Variants in KCNH1 observed in about 807,000 individuals in gnomAD.
The protein encoded by KCNH1 is potassium voltage-gated channel subfamily H member 1, also known as voltage-gated delayed rectifier potassium channel KCNH1.
A neutral mutation model predicts 69.2 loss-of-function variants in KCNH1; 27 were observed. The ratio of observed to expected loss-of-function variants is 0.39; its 90% CI spans 0.29 to 0.54. KCNH1 has a LOEUF of 0.54. KCNH1 is among the 20% of genes least tolerant of loss of function. The pLI, the probability that KCNH1 is intolerant of heterozygous loss-of-function variation, is 0.68. For synonymous variants in KCNH1, 456 were observed against 487.7 expected (o/e 0.93, Z 0.86); for missense variants, 798 against 1,261.6 (o/e 0.63, Z 5.57).
intron 6 of KCNH1, among the ~76,000 whole-genome samples, chr1:210,965,052 T>C (rs1688372249): frequency 6.6e-6 from 1 of 152,196 alleles, no homozygotes. Flanking sequence ...TCAACACTAC[T>C]TCATGCTAAA....
intron 6 of KCNH1, among the ~76,000 whole-genome samples, chr1:210,952,198 A>T (rs1256980708): frequency 6.6e-6 from 1 of 152,184 alleles, no homozygotes; most frequent in Non-Finnish European, 1.5e-5. Flanking sequence ...CTAATTCTAA[A>T]ATATCAAACA....
At chr1:210,988,609 A>G (rs79851204) in intron 6 of KCNH1, among the ~76,000 whole-genome samples, 161 of 152,318 alleles carry the variant, frequency 1.1e-3, no homozygotes, top group African/African-American at 3.7e-3. Flanking sequence ...AACATATTTG[A>G]AAGTATTGCC....
chr1:210,948,592 G>A (rs183085817), intron 6 of KCNH1, among the ~76,000 whole-genome samples: 150 of 152,206 alleles, frequency 9.9e-4, no homozygotes, highest in African/African-American at 3.3e-3. Flanking sequence ...CACTTTGGGA[G>A]GCTGAGGCGG....
intron 7 of KCNH1, among the ~76,000 whole-genome samples, chr1:210,893,159 C>T (rs1686784514): frequency 6.6e-6 from 1 of 152,110 alleles, no homozygotes; most frequent in African/African-American, 2.4e-5. Context: ...TTTGGTTTGT[C>T]TGAAAGACAT....
intron 7 of KCNH1, among the ~76,000 whole-genome samples, chr1:210,812,251 T>C (rs1684718818): frequency 1.3e-5 from 2 of 152,180 alleles, no homozygotes; most frequent in East Asian, 1.9e-4. Context: ...AAAAGTGACT[T>C]ACCTATTAAG....
intron 6 of KCNH1, among the ~76,000 whole-genome samples, chr1:210,954,556 T>A (rs944704845): frequency 2.6e-5 from 4 of 152,220 alleles, no homozygotes; most frequent in African/African-American, 9.6e-5. Flanking sequence ...CCACATCCTC[T>A]CCAGCATCTG....
rs1362394938 is a variant in KCNH1 at position 210,680,173 on chromosome 1, A to T, written c.*3108T>A. On this transcript the variant is annotated 3_prime_UTR_variant, in exon 11 of 11. Coordinates refer to ENST00000271751, the MANE Select transcript of KCNH1 (RefSeq NM_172362.3). ...CATCTTAGTTCTTAGAGTTAACCTT[A>T]AACCCACCCCTCCATCAGCCGGGAG... is the stretch of plus-strand genomic sequence containing the variant. The T allele has an allele frequency of 1.3e-5, 2 of 152,082 alleles. No homozygotes were observed. The highest frequency in any genetic ancestry group is 4.8e-5 in the African/African-American group (2 of 41,370). The allele number at this position is 152,082 out of a possible 1,614,324, so 9.4% of individuals were successfully genotyped here. A position where few individuals can be genotyped will look rare whatever the true frequency, so the allele number is the denominator to read the frequency against.
intron 1 of KCNH1, among the ~76,000 whole-genome samples, chr1:211,110,906 T>C (rs955254310): frequency 3.9e-5 from 6 of 152,128 alleles, no homozygotes; most frequent in African/African-American, 1.4e-4. Context: ...TTTAGAGACA[T>C]GGCAGAAACT....
At chr1:210,897,746 G>A (rs1244723152) in intron 7 of KCNH1, among the ~76,000 whole-genome samples, 1 of 152,222 alleles carries the variant, frequency 6.6e-6, no homozygotes, top group East Asian at 1.9e-4. Flanking sequence ...CACTAGAAGA[G>A]TGAAAAGCAA....
At chr1:210,698,999 T>C (rs914919840) in intron 10 of KCNH1, among the ~76,000 whole-genome samples, 2 of 152,214 alleles carry the variant, frequency 1.3e-5, no homozygotes, top group Non-Finnish European at 2.9e-5. Context: ...TCTCCCAGCC[T>C]ACTGTGCAAC....
intron 10 of KCNH1, among the ~76,000 whole-genome samples, chr1:210,757,797 C>G (rs1683431208): frequency 6.6e-6 from 1 of 152,230 alleles, no homozygotes; most frequent in Admixed American, 6.5e-5. Context: ...TCCTCTGTCT[C>G]TGAACAAACA....
At chr1:210,707,110 C>T (rs759120769) in intron 10 of KCNH1, among the ~76,000 whole-genome samples, 3 of 152,152 alleles carry the variant, frequency 2.0e-5, no homozygotes, top group Non-Finnish European at 2.9e-5. Flanking sequence ...TAAGAATGCA[C>T]TGAGGTCAGG....
At chr1:211,080,565 C>T (rs1029508195) in intron 5 of KCNH1, among the ~76,000 whole-genome samples, 7 of 152,158 alleles carry the variant, frequency 4.6e-5, no homozygotes, top group East Asian at 1.9e-4. Context: ...TGACTTCCAA[C>T]GATACTACAA....
At chr1:210,811,404 C>T (rs1684699643) in intron 7 of KCNH1, among the ~76,000 whole-genome samples, 1 of 152,128 alleles carries the variant, frequency 6.6e-6, no homozygotes, top group South Asian at 2.1e-4. Flanking sequence ...TGTTGCAAAT[C>T]AAATTATTTT....
At chr1:210,697,123 T>C (rs950195597) in intron 10 of KCNH1, among the ~76,000 whole-genome samples, 1 of 152,188 alleles carries the variant, frequency 6.6e-6, no homozygotes, top group East Asian at 1.9e-4. Context: ...TCTGCTGATA[T>C]CCAAACTTTG....
intron 7 of KCNH1, among the ~76,000 whole-genome samples, chr1:210,856,897 AT>A (rs1399370484): frequency 4.3e-5 from 6 of 138,334 alleles, no homozygotes; most frequent in South Asian, 4.7e-4. Context: ...ATATATATAT[AT>A]AAAATACTCA....
chr1:210,730,751 T>A (rs529455595), intron 10 of KCNH1, among the ~76,000 whole-genome samples: 1 of 152,338 alleles, frequency 6.6e-6, no homozygotes, highest in East Asian at 1.9e-4. Context: ...CTGCCCAGGC[T>A]AGAGCCAAGC....
intron 7 of KCNH1, chr1:210,860,634 A>C (rs1685957675): frequency 2.5e-6 from 2 of 793,728 alleles, no homozygotes; most frequent in Non-Finnish European, 4.6e-6. Flanking sequence ...TTTCTGTTAT[A>C]ATATGAAGAA....
intron 10 of KCNH1, among the ~76,000 whole-genome samples, chr1:210,731,801 C>G (rs1407423094): frequency 6.6e-6 from 1 of 152,150 alleles, no homozygotes; most frequent in Admixed American, 6.6e-5. Flanking sequence ...TGAATAAACA[C>G]TGAGCAAGTG....
Sources: allele counts gnomAD v4.1 joint callset (sites outside exome capture counted in the v4.1 genomes callset), GRCh38; gene constraint gnomAD v4.1.1; transcripts MANE v1.5; gene names NCBI Gene and HGNC (gene_info 2026-07-23, HGNC 2026-07-21).